Variants in CADM2 observed in about 807,000 individuals in gnomAD.
The protein encoded by CADM2 is immunoglobulin superfamily member 4D.
CADM2 carries 12 observed loss-of-function variants against 49.8 expected under a neutral mutation model. That is an observed-to-expected ratio of 0.24 (90% confidence interval 0.15 to 0.39). The LOEUF (loss-of-function observed/expected upper bound fraction) is 0.39. Ranked by LOEUF, CADM2 falls within the 10% of genes least tolerant of loss-of-function variation. The pLI, the probability that CADM2 is intolerant of heterozygous loss-of-function variation, is 1.00. For synonymous variants in CADM2, 214 were observed against 175.4 expected, an observed-to-expected ratio of 1.22 and a Z score of -1.74; for missense variants, 378 against 492.3, an observed-to-expected ratio of 0.77 and a Z score of 2.20.
At chr3:85,873,603 T>C (rs1335259159) in intron 3 of CADM2, among the ~76,000 whole-genome samples, 1 of 152,024 alleles carries the variant, frequency 6.6e-6, no homozygotes. Context: ...GAGGCAGAGG[T>C]TGCAGTGGGC....
intron 1 of CADM2, among the ~76,000 whole-genome samples, chr3:85,598,647 T>TA (rs1000761301): frequency 1.5e-4 from 22 of 151,164 alleles, no homozygotes; most frequent in East Asian, 9.7e-4. Flanking sequence ...ATTGGTCATT[T>TA]AAAAAAAAAT....
chr3:84,987,252 T>C (rs1270715715), intron 1 of CADM2, among the ~76,000 whole-genome samples: 1 of 151,776 alleles, frequency 6.6e-6, no homozygotes, highest in South Asian at 2.1e-4. Flanking sequence ...ATGCCCTCTT[T>C]TAGGTGGTGT....
intron 1 of CADM2, among the ~76,000 whole-genome samples, chr3:84,962,121 G>T (rs2030584251): frequency 6.7e-6 from 1 of 150,368 alleles, no homozygotes; most frequent in African/African-American, 2.5e-5. Context: ...GCAACCAGCA[G>T]CAACACCAGC....
intron 6 of CADM2, among the ~76,000 whole-genome samples, chr3:85,920,157 C>CT (rs1222201998): frequency 1.4e-4 from 21 of 151,798 alleles, no homozygotes; most frequent in African/African-American, 4.8e-4. Context: ...GATATATCAG[C>CT]TTATCAGATA....
At chr3:85,649,282 A>G (rs1162630066) in intron 1 of CADM2, among the ~76,000 whole-genome samples, 2 of 151,914 alleles carry the variant, frequency 1.3e-5, no homozygotes, top group African/African-American at 4.8e-5. Flanking sequence ...TTGTTCATTT[A>G]TTTTGAGTCA....
chr3:85,797,252 A>T (rs901354040), intron 2 of CADM2, among the ~76,000 whole-genome samples: 3 of 152,110 alleles, frequency 2.0e-5, no homozygotes, highest in Non-Finnish European at 4.4e-5. Flanking sequence ...TCTGAGTTTT[A>T]GAACTTTATA....
At chr3:85,637,724 C>G (rs567016357) in intron 1 of CADM2, among the ~76,000 whole-genome samples, 1 of 151,556 alleles carries the variant, frequency 6.6e-6, no homozygotes, top group East Asian at 1.9e-4. Context: ...ATAACTTAGC[C>G]AAGAGCACCT....
chr3:85,205,295 T>G (rs2041606196), intron 1 of CADM2, among the ~76,000 whole-genome samples: 1 of 152,190 alleles, frequency 6.6e-6, no homozygotes, highest in East Asian at 1.9e-4. Context: ...AGTGCTGGGA[T>G]TCCAGGTTTG....
intron 3 of CADM2, among the ~76,000 whole-genome samples, chr3:85,831,837 T>A (rs556181121): frequency 6.6e-5 from 10 of 152,136 alleles, no homozygotes; most frequent in Admixed American, 2.0e-4. Flanking sequence ...TTTAATTAGG[T>A]TCCACTTGTC....
chr3:85,930,302 CT>C (rs1720426393), intron 6 of CADM2, among the ~76,000 whole-genome samples: 1 of 151,812 alleles, frequency 6.6e-6, no homozygotes, highest in Non-Finnish European at 1.5e-5. Context: ...AAAAATTTTT[CT>C]TTTTTTAAAA....
In CADM2 at chr3:84,961,527, G is replaced by T. The variant is rs183378754; in HGVS notation, c.61+1859G>T. ...CACAAGTAACCCGGGTGTCTGACAC[G>T]TTACTTAGGTTTTTAATCCGCGCTG... On this transcript the variant is annotated intron_variant, in intron 1 of 9. Coordinates refer to ENST00000383699, the MANE Select transcript of CADM2 (RefSeq NM_001167675.2). Among the ~76,000 whole-genome samples the T allele has an allele frequency of 4.0e-3, 613 of 152,208 alleles. 6 individuals carry two copies. The highest frequency in any genetic ancestry group is 0.014 in the African/African-American group (584 of 41,524).
At chr3:85,827,996 G>GT (rs2074003301) in intron 3 of CADM2, 1 of 151,854 alleles carries the variant, frequency 6.6e-6, no homozygotes, top group Non-Finnish European at 1.5e-5. Flanking sequence ...GTACACATTG[G>GT]TTACCTCAAT....
intron 1 of CADM2, among the ~76,000 whole-genome samples, chr3:85,194,194 G>A (rs2041281663): frequency 6.6e-6 from 1 of 152,014 alleles, no homozygotes; most frequent in African/African-American, 2.4e-5. Flanking sequence ...ATGTAAGTGC[G>A]CTAGGTAAGA....
intron 1 of CADM2, among the ~76,000 whole-genome samples, chr3:85,021,346 G>C (rs1451034913): frequency 6.6e-6 from 1 of 152,130 alleles, no homozygotes; most frequent in Admixed American, 6.6e-5. Context: ...GTTAGTGTAG[G>C]TGATTTGTCA....
chr3:86,013,589 T>A (rs1577950174), intron 8 of CADM2: 1 of 1,601,284 alleles, frequency 6.2e-7, no homozygotes, highest in East Asian at 2.2e-5. Context: ...GAGAAGAAAC[T>A]CTCAGGGAAG....
chr3:86,062,485 G>T (rs985745078), intron 8 of CADM2, among the ~76,000 whole-genome samples: 1 of 151,938 alleles, frequency 6.6e-6, no homozygotes, highest in Non-Finnish European at 1.5e-5. Context: ...CATTTCAAAG[G>T]TGTATTGTTA....
At chr3:85,362,699 C>T (rs2032447554) in intron 1 of CADM2, among the ~76,000 whole-genome samples, 1 of 152,120 alleles carries the variant, frequency 6.6e-6, no homozygotes, top group South Asian at 2.1e-4. Flanking sequence ...CCCATTTAAT[C>T]AAATAGGTAG....
chr3:85,928,296 T>G (rs1036205395), intron 6 of CADM2, among the ~76,000 whole-genome samples: 2 of 151,966 alleles, frequency 1.3e-5, no homozygotes, highest in African/African-American at 4.8e-5. Flanking sequence ...GTAGCTGGGA[T>G]TACAGGCGCA....
intron 1 of CADM2, among the ~76,000 whole-genome samples, chr3:85,377,196 A>G (rs1019591907): frequency 1.3e-5 from 2 of 152,048 alleles, no homozygotes; most frequent in African/African-American, 4.8e-5. Flanking sequence ...GCTAATATTT[A>G]TTGCTTCTTT....
Sources: allele counts gnomAD v4.1 joint callset (sites outside exome capture counted in the v4.1 genomes callset), GRCh38; gene constraint gnomAD v4.1.1; transcripts MANE v1.5; gene names NCBI Gene and HGNC (gene_info 2026-07-23, HGNC 2026-07-21).